Variants in CDH6 observed in about 807,000 individuals in gnomAD.
The protein encoded by CDH6 is cadherin-6.
In CDH6, 31 loss-of-function variants were observed where a neutral mutation model predicts 78.0. The ratio of observed to expected loss-of-function variants is 0.40; its 90% CI spans 0.30 to 0.54. The LOEUF is 0.54. Ranked by LOEUF, CDH6 falls within the 20% of genes least tolerant of loss-of-function variation. The pLI is 0.56. For synonymous variants in CDH6, 376 were observed against 368.8 expected (o/e 1.02, Z -0.23); for missense variants, 724 against 975.9 (o/e 0.74, Z 3.44).
intron 2 of CDH6, among the ~76,000 whole-genome samples, chr5:31,272,941 T>C (rs1379119495): frequency 6.6e-6 from 1 of 152,214 alleles, no homozygotes; most frequent in Non-Finnish European, 1.5e-5. Context: ...ATGTGGGTTC[T>C]ATTTGAGGCC....
chr5:31,236,922 T>C (rs190527185), intron 1 of CDH6, among the ~76,000 whole-genome samples: 4 of 152,306 alleles, frequency 2.6e-5, no homozygotes, highest in Admixed American at 2.6e-4. Flanking sequence ...TGCTGTGGAA[T>C]CATGCTAATA....
chr5:31,321,435 T>C (rs1738476032), intron 11 of CDH6, among the ~76,000 whole-genome samples: 1 of 152,202 alleles, frequency 6.6e-6, no homozygotes, highest in African/African-American at 2.4e-5. Flanking sequence ...AACCTGAATT[T>C]GAATTGCATG....
At chr5:31,229,293 C>T (rs1382234416) in intron 1 of CDH6, among the ~76,000 whole-genome samples, 3 of 152,202 alleles carry the variant, frequency 2.0e-5, no homozygotes, top group Non-Finnish European at 2.9e-5. Context: ...GCTAACAGAC[C>T]TCTTGTTATC....
At chr5:31,225,317 T>C (rs1457186286) in intron 1 of CDH6, among the ~76,000 whole-genome samples, 2 of 152,218 alleles carry the variant, frequency 1.3e-5, no homozygotes, top group Non-Finnish European at 2.9e-5. Context: ...TCTCAGAGGA[T>C]GTGAGCCATG....
intron 1 of CDH6, among the ~76,000 whole-genome samples, chr5:31,223,895 A>G (rs1207396876): frequency 6.6e-6 from 1 of 152,240 alleles, no homozygotes. Context: ...CCTGCTGCAT[A>G]GAGAAAGATT....
chr5:31,198,067 C>T (rs1041377323), intron 1 of CDH6, among the ~76,000 whole-genome samples: 1 of 152,092 alleles, frequency 6.6e-6, no homozygotes, highest in African/African-American at 2.4e-5. Flanking sequence ...AGAAGTGGTG[C>T]ATTCAAAATT....
chr5:31,229,535 T>A (rs915285196), intron 1 of CDH6, among the ~76,000 whole-genome samples: 9 of 152,218 alleles, frequency 5.9e-5, no homozygotes, highest in Non-Finnish European at 1.3e-4. Context: ...ATTTGGAAGC[T>A]TTTATAGGTC....
intron 2 of CDH6, among the ~76,000 whole-genome samples, chr5:31,275,255 C>T (rs1417316165): frequency 1.3e-5 from 2 of 152,020 alleles, no homozygotes; most frequent in Non-Finnish European, 2.9e-5. Flanking sequence ...GATTATATTC[C>T]GTGAAGCTGA....
In CDH6 at chr5:31,323,181, C is replaced by A; in HGVS notation, c.2246C>A (p.Ser749Tyr). ...AYEGTGSVAD[S>Y]LSSLESVTTD... ...GAAGGCACTGGCTCCGTGGCGGATT[C>A]CCTGAGCTCGCTGGAGTCAGTGACC... is the stretch of plus-strand genomic sequence containing the variant. The change falls in exon 12 of 12, where the codon TCC becomes TAC. Residue 749 changes from serine (S) to tyrosine (Y), a missense_variant. Around this residue, in one of 3 missense-constraint regions of CDH6, gnomAD observed 220 missense variants for 240.6 expected, o/e 0.91. Transcript: ENST00000265071. 2.5e-6 allele frequency: 4 copies of A among 1,614,180 alleles called. No homozygotes were observed. Among genetic ancestry groups the A allele is most frequent in the Non-Finnish European group, 3.4e-6 (4 of 1,180,034 alleles).
chr5:31,235,864 A>G (rs187239409), intron 1 of CDH6, among the ~76,000 whole-genome samples: 2 of 152,234 alleles, frequency 1.3e-5, no homozygotes, highest in East Asian at 1.9e-4. Flanking sequence ...TTGTTTTACA[A>G]TTTTTACAAT....
At chr5:31,195,348 A>G (rs1740134081) in intron 1 of CDH6, among the ~76,000 whole-genome samples, 1 of 152,206 alleles carries the variant, frequency 6.6e-6, no homozygotes, top group Admixed American at 6.5e-5. Context: ...ACCCAGGGAT[A>G]TGCCTAGTTA....
chr5:31,230,995 T>G (rs10755250), intron 1 of CDH6, among the ~76,000 whole-genome samples: 119,431 of 152,124 alleles, frequency 0.79, 49,898 homozygotes, highest in East Asian at 0.97. Flanking sequence ...ATATGCTCTT[T>G]TAAATATTCT....
chr5:31,275,602 C>T (rs976586833), intron 2 of CDH6, among the ~76,000 whole-genome samples: 2 of 152,164 alleles, frequency 1.3e-5, no homozygotes, highest in Non-Finnish European at 2.9e-5. Context: ...TCCAGTCTAC[C>T]ACTGATGGGC....
intron 7 of CDH6, among the ~76,000 whole-genome samples, chr5:31,311,486 T>C (rs1337305763): frequency 6.6e-6 from 1 of 152,232 alleles, no homozygotes; most frequent in Admixed American, 6.5e-5. Flanking sequence ...CTCTGCCTGT[T>C]ACCCAGTTCC....
chr5:31,302,950 AGAAAGAAG>A (rs1253302283), intron 6 of CDH6, among the ~76,000 whole-genome samples: 73 of 129,974 alleles, frequency 5.6e-4, no homozygotes, highest in African/African-American at 1.7e-3. Flanking sequence ...AAAGAAAGAA[AGAAAGAAG>A]GAAAGAAAAG....
intron 1 of CDH6, among the ~76,000 whole-genome samples, chr5:31,206,934 C>A (rs1235782407): frequency 6.6e-6 from 1 of 151,972 alleles, no homozygotes; most frequent in Non-Finnish European, 1.5e-5. Flanking sequence ...TGACGATATG[C>A]CTCAGAATAT....
chr5:31,322,139 C>CA (rs1294525879), intron 11 of CDH6, among the ~76,000 whole-genome samples: 1 of 152,100 alleles, frequency 6.6e-6, no homozygotes, highest in African/African-American at 2.4e-5. Flanking sequence ...TCATTTAGCT[C>CA]AAACAGAAAT....
At chr5:31,307,122 A>T (rs1738013192) in intron 7 of CDH6, among the ~76,000 whole-genome samples, 1 of 152,090 alleles carries the variant, frequency 6.6e-6, no homozygotes, top group Non-Finnish European at 1.5e-5. Flanking sequence ...GCTGATGAGG[A>T]GTGTAGCAGG....
chr5:31,276,686 G>T (rs1742704590), intron 2 of CDH6, among the ~76,000 whole-genome samples: 1 of 152,172 alleles, frequency 6.6e-6, no homozygotes, highest in East Asian at 1.9e-4. Context: ...ACTTGCTAGA[G>T]AGTGTAAGTC....
Sources: allele counts gnomAD v4.1 joint callset (sites outside exome capture counted in the v4.1 genomes callset), GRCh38; gene constraint gnomAD v4.1.1; regional missense constraint gnomAD v4.1.1; transcripts MANE v1.5; gene names NCBI Gene and HGNC (gene_info 2026-07-23, HGNC 2026-07-21).